BCAR3: variants seen among roughly 807,000 people sequenced by gnomAD.
BCAR3 encodes the protein BCAR3 adaptor protein, NSP family member, also known as breast cancer anti-estrogen resistance protein 3.
BCAR3 carries 37 observed loss-of-function variants against 80.1 expected under a neutral mutation model. The ratio of observed to expected loss-of-function variants is 0.46; its 90% CI spans 0.36 to 0.61. The LOEUF is 0.61. BCAR3 is among the 20% of genes least tolerant of loss of function. The pLI is 0.00. For synonymous variants in BCAR3, 389 were observed against 418.9 expected, an observed-to-expected ratio of 0.93 and a Z score of 0.87; for missense variants, 978 against 1,068.2, an observed-to-expected ratio of 0.92 and a Z score of 1.18.
chr1:93,829,546 A>G (rs1654485223), intron 2 of BCAR3, among the ~76,000 whole-genome samples: 1 of 151,472 alleles, frequency 6.6e-6, no homozygotes, highest in Non-Finnish European at 1.5e-5. Context: ...TCCACCGAGA[A>G]CTCCCACCCT....
At chr1:93,845,398 C>T (rs992453180) in intron 2 of BCAR3, among the ~76,000 whole-genome samples, 2 of 148,210 alleles carry the variant, frequency 1.3e-5, no homozygotes, top group Non-Finnish European at 3.0e-5. Flanking sequence ...TAATTTTATC[C>T]ATATGAGAAT....
chr1:93,779,403 T>G (rs1370437372), intron 2 of BCAR3, among the ~76,000 whole-genome samples: 1 of 152,176 alleles, frequency 6.6e-6, no homozygotes, highest in Non-Finnish European at 1.5e-5. Context: ...GTGGCTTACA[T>G]TCTAGTGAGA....
At chr1:93,777,372 T>C (rs1246485407) in intron 2 of BCAR3, among the ~76,000 whole-genome samples, 7 of 143,332 alleles carry the variant, frequency 4.9e-5, no homozygotes, top group South Asian at 2.1e-4. Flanking sequence ...CTTCTTCTTC[T>C]TCCTCCTCTT....
intron 3 of BCAR3, among the ~76,000 whole-genome samples, chr1:93,627,298 G>C (rs926470263): frequency 1.3e-5 from 2 of 152,200 alleles, no homozygotes; most frequent in East Asian, 3.8e-4. Context: ...TTGCAAGAGA[G>C]ATCCATTCAA....
chr1:93,740,686 C>T (rs1442280539), intron 2 of BCAR3, among the ~76,000 whole-genome samples: 1 of 152,114 alleles, frequency 6.6e-6, no homozygotes, highest in Non-Finnish European at 1.5e-5. Context: ...CAGGATCAGT[C>T]GCTCAGCGGA....
intron 2 of BCAR3, among the ~76,000 whole-genome samples, chr1:93,820,793 C>A (rs1211029388): frequency 6.6e-6 from 1 of 152,146 alleles, no homozygotes; most frequent in East Asian, 1.9e-4. Flanking sequence ...GACGATGGGG[C>A]TGAAAGTTCC....
intron 3 of BCAR3, among the ~76,000 whole-genome samples, chr1:93,691,187 C>T (rs1216471131): frequency 6.6e-6 from 1 of 152,210 alleles, no homozygotes; most frequent in Admixed American, 6.5e-5. Context: ...CTTTCCACAA[C>T]ACCCACTGCC....
rs1377837118 is a variant in BCAR3, at chr1:93,592,238, T to C, written c.486+27A>G. 2.5e-6 allele frequency: 4 copies of C among 1,612,940 alleles called. No homozygotes were observed. The highest frequency in any genetic ancestry group is 1.3e-5 in the African/African-American group (1 of 74,896). ...TACATTGCCTGAGAGCAGCCGTGTA[T>C]GCTCTGGAAGGGACAAGACCAGGTA... On this transcript the variant is annotated intron_variant, in intron 4 of 11. Coordinates refer to ENST00000260502, the MANE Select transcript of BCAR3 (RefSeq NM_003567.4). The surrounding 1 kb of genome is among the most constrained non-coding windows in gnomAD (Gnocchi z 4.8).
At chr1:93,799,344 T>C (rs1016360070) in intron 2 of BCAR3, among the ~76,000 whole-genome samples, 2 of 152,220 alleles carry the variant, frequency 1.3e-5, no homozygotes, top group African/African-American at 4.8e-5. Flanking sequence ...TGAATAGTTA[T>C]TTGTTCTTAG....
intron 2 of BCAR3, among the ~76,000 whole-genome samples, chr1:93,790,295 T>C (rs1653096736): frequency 6.6e-6 from 1 of 152,182 alleles, no homozygotes; most frequent in Non-Finnish European, 1.5e-5. Flanking sequence ...TAGTTTGTGC[T>C]TAATAGAATA....
intron 2 of BCAR3, among the ~76,000 whole-genome samples, chr1:93,665,725 T>C (rs1647876759): frequency 6.6e-6 from 1 of 152,156 alleles, no homozygotes; most frequent in Non-Finnish European, 1.5e-5. Flanking sequence ...CACTTAGACA[T>C]GCATGCATCT....
intron 2 of BCAR3, among the ~76,000 whole-genome samples, chr1:93,761,487 C>G (rs1203187320): frequency 6.6e-6 from 1 of 152,184 alleles, no homozygotes; most frequent in South Asian, 2.1e-4. Context: ...CCACCCTGGA[C>G]CTGCTGAAAC....
intron 2 of BCAR3, chr1:93,845,462 T>TTTTATATA (rs1557708361): frequency 2.5e-5 from 2 of 80,170 alleles, no homozygotes; most frequent in African/African-American, 5.9e-5. Flanking sequence ...CATAACAATT[T>TTTTATATA]TATATATATA....
At chr1:93,609,630 G>A (rs1674891125) in intron 3 of BCAR3, among the ~76,000 whole-genome samples, 1 of 152,190 alleles carries the variant, frequency 6.6e-6, no homozygotes, top group African/African-American at 2.4e-5. Context: ...TTTGTTTCCA[G>A]TGCCAGCCCC....
In BCAR3 at chr1:93,612,666, G is replaced by A. The variant is rs546153053; in HGVS notation, c.358-20273C>T. ...TCTATCTTGGAAGCTTTAAAATACT[G>A]TTAATGGCATGACTTCATCTGCCCC... On this transcript the variant is annotated intron_variant, in intron 3 of 11. Transcript: ENST00000260502. Among the ~76,000 whole-genome samples, 10 of 152,250 alleles carry A rather than the reference G, an allele frequency of 6.6e-5. No individual in the cohort carries two copies. In the South Asian group the frequency reaches 2.1e-3, roughly 32 times the overall value.
At chr1:93,574,874 T>G (rs1017677408) in intron 8 of BCAR3, among the ~76,000 whole-genome samples, 11 of 152,056 alleles carry the variant, frequency 7.2e-5, no homozygotes, top group Middle Eastern at 3.2e-3. Context: ...CCGAACAAAA[T>G]CCGCATGGCC....
chr1:93,716,113 G>A (rs1410911763), intron 2 of BCAR3, among the ~76,000 whole-genome samples: 1 of 152,214 alleles, frequency 6.6e-6, no homozygotes, highest in African/African-American at 2.4e-5. Context: ...GTCTCAGAAG[G>A]AGCCAAGAGC....
chr1:93,591,300 C>A (rs979794208), intron 4 of BCAR3, among the ~76,000 whole-genome samples: 1 of 151,424 alleles, frequency 6.6e-6, no homozygotes, highest in Non-Finnish European at 1.5e-5. Flanking sequence ...CATGGTGAAA[C>A]CCCGTCTCTA....
intron 2 of BCAR3, among the ~76,000 whole-genome samples, chr1:93,760,335 A>C (rs1015285834): frequency 6.6e-6 from 1 of 152,170 alleles, no homozygotes; most frequent in East Asian, 1.9e-4. Flanking sequence ...GTGGGGACTC[A>C]GCAATAATCC....
Sources: gnomAD v4.1 joint callset for allele counts (sites outside exome capture counted in the v4.1 genomes callset) on GRCh38, gnomAD v4.1.1 for gene constraint, Gnocchi (gnomAD v3.1) non-coding constraint, MANE v1.5 for transcripts, NCBI Gene and HGNC (gene_info 2026-07-23, HGNC 2026-07-21) for gene names.